ITPKB: variants seen among roughly 807,000 people sequenced by gnomAD.
ITPKB encodes the protein inositol-trisphosphate 3-kinase B.
ITPKB carries 13 observed loss-of-function variants against 69.4 expected under a neutral mutation model. That is an observed-to-expected ratio of 0.19 (90% CI 0.12 to 0.30). The LOEUF (loss-of-function observed/expected upper bound fraction) is 0.30, where lower values mean the gene tolerates loss of function less well. Among genes scored for constraint, ITPKB ranks in the 10% least tolerant of loss-of-function variants. ITPKB has a pLI of 1.00. For missense variants in ITPKB, 1,240 were observed against 1,250.5 expected (o/e 0.99, Z 0.13); for synonymous variants, 584 against 513.7 (o/e 1.14, Z -1.85).
chr1:226,721,069 C>A, intron 2 of ITPKB, among the ~76,000 whole-genome samples: 1 of 149,826 alleles, frequency 6.7e-6, no homozygotes, highest in East Asian at 2.0e-4. Context: ...ATTGGCCGGG[C>A]GCAGTGGTTC....
chr1:226,667,337 C>G (rs1232715102), intron 2 of ITPKB, among the ~76,000 whole-genome samples: 1 of 152,166 alleles, frequency 6.6e-6, no homozygotes, highest in Non-Finnish European at 1.5e-5. Flanking sequence ...ATGTGGGAAC[C>G]CCGCCAAGAC....
Position 226,737,411 on chromosome 1 carries a change from G to A in ITPKB, c.48C>T (p.Ser16=), listed in dbSNP as rs761720650. 4.3e-6 allele frequency: 7 copies of A among 1,611,224 alleles called. No homozygotes were observed. The highest frequency in any genetic ancestry group is 2.7e-5 in the African/African-American group (2 of 74,848). Residue 16 remains serine, a synonymous_variant, in exon 2 of 8, where the codon AGC becomes AGT. Transcript: ENST00000429204. The part of the protein sequence containing the change: ...YALNSLVIMN[S]ANEMKSGGGP... The stretch of plus-strand genomic sequence containing the variant: ...CGCCGCCGCTCTTCATCTCGTTGGC[G>A]CTATTCATGATCACCAGGCTATTGA...
At chr1:226,660,397 CAG>C (rs1319209974) in intron 2 of ITPKB, among the ~76,000 whole-genome samples, 8 of 152,204 alleles carry the variant, frequency 5.3e-5, no homozygotes, top group Non-Finnish European at 8.8e-5. Context: ...CTTGCTAAAC[CAG>C]AGTCTTTTTT....
In ITPKB at chr1:226,637,573, G is replaced by GC; in HGVS notation, c.2625+105dup. ...GGTCCCTGATGGCCTGCCTCTGGCTGCACCACCCTGAAAATGCCCGATGCC... is the reference window on the plus strand; with the variant it reads ...GGTCCCTGATGGCCTGCCTCTGGCTGCCACCACCCTGAAAATGCCCGATGCC... On this transcript the variant is annotated intron_variant, in intron 7 of 7. Transcript: ENST00000429204. This position sits in a 1 kb window ranked among gnomAD's most constrained non-coding sequence, Gnocchi z 4.3. The GC allele has an allele frequency of 1.2e-6, 1 of 868,942 alleles. No homozygotes were observed. Among genetic ancestry groups the GC allele is most frequent in the Non-Finnish European group, 1.9e-6 (1 of 527,104 alleles). 53.8% of individuals were successfully genotyped at this position (868,942 alleles called of 1,614,324 possible).
At chr1:226,718,527 GGAA>G (rs1453368317) in intron 2 of ITPKB, among the ~76,000 whole-genome samples, 3 of 152,052 alleles carry the variant, frequency 2.0e-5, no homozygotes, top group Non-Finnish European at 4.4e-5. Flanking sequence ...CTTGAATCTA[GGAA>G]GTCAGGGCTG....
In ITPKB at chr1:226,738,746, A is replaced by C. The variant is rs1427109257; in HGVS notation, c.-206+295T>G. Among the ~76,000 whole-genome samples, 2 of 152,158 alleles carry C rather than the reference A, an allele frequency of 1.3e-5. No homozygotes were observed. The highest frequency in any genetic ancestry group is 4.8e-5 in the African/African-American group (2 of 41,460). On this transcript the variant is annotated intron_variant, in intron 1 of 7. Coordinates refer to ENST00000429204, the MANE Select transcript of ITPKB (RefSeq NM_002221.4). This position sits in a 1 kb window ranked among gnomAD's most constrained non-coding sequence, Gnocchi z 4.2. ...ATCCCGGGCAGCCTCGCCCGGCGCC[A>C]GCAGAGCCGCCCCGAGACCCCAGCC...
At chr1:226,692,251 T>A (rs1656375947) in intron 2 of ITPKB, among the ~76,000 whole-genome samples, 1 of 151,240 alleles carries the variant, frequency 6.6e-6, no homozygotes, top group Non-Finnish European at 1.5e-5. Flanking sequence ...TCATGTGGGT[T>A]TTTTTTTTCC....
chr1:226,715,578 T>A (rs1657075594), intron 2 of ITPKB, among the ~76,000 whole-genome samples: 1 of 152,164 alleles, frequency 6.6e-6, no homozygotes, highest in Admixed American at 6.5e-5. Flanking sequence ...AACTAACTAC[T>A]CACCAATGGC....
intron 2 of ITPKB, among the ~76,000 whole-genome samples, chr1:226,675,394 G>A (rs533641928): frequency 2.0e-5 from 3 of 152,322 alleles, no homozygotes; most frequent in Non-Finnish European, 4.4e-5. Context: ...CAATCACGAA[G>A]CACAGATCAG....
chr1:226,707,997 T>C (rs1254371110), intron 2 of ITPKB: 17 of 823,882 alleles, frequency 2.1e-5, no homozygotes, highest in Non-Finnish European at 2.9e-5. Context: ...ATATGGAAAC[T>C]ACCCACCAAA....
chr1:226,680,375 G>T (rs528731272), intron 2 of ITPKB, among the ~76,000 whole-genome samples: 5 of 152,344 alleles, frequency 3.3e-5, no homozygotes, highest in Non-Finnish European at 5.9e-5. Context: ...GCAGAGAGGG[G>T]GGAGGTAGGG....
At chr1:226,712,073 C>T (rs767474712) in intron 2 of ITPKB, among the ~76,000 whole-genome samples, 7 of 152,126 alleles carry the variant, frequency 4.6e-5, no homozygotes, top group Non-Finnish European at 8.8e-5. Context: ...TACAGTAAGC[C>T]GCGAGGGTGG....
In ITPKB at chr1:226,736,681, C is replaced by T. The variant is rs72754588; in HGVS notation, c.778G>A (p.Gly260Ser). The change falls in exon 2 of 8, where the codon GGT (glycine) becomes AGT (serine). Residue 260 changes from glycine to serine, a missense_variant. Physicochemically the swap from Gly to Ser is moderately conservative, Grantham distance 56 (BLOSUM62 0). This residue lies in a region of ITPKB where 992 missense variants were observed against 853.8 expected (regional missense o/e 1.16). Coordinates refer to ENST00000429204, the MANE Select transcript of ITPKB (RefSeq NM_002221.4). ...CCACAGCGGGGACTGGCAGGGATAC[C>T]CTTCTCCATCCTTACAAAAGCGGAT... Reference protein sequence around the residue: ...GPSAFVRMEKGIPASPRCGSP... With the variant: ...GPSAFVRMEKSIPASPRCGSP... 2.5e-6 allele frequency: 4 copies of T among 1,613,036 alleles called. No individual in the cohort carries two copies. Among genetic ancestry groups the T allele is most frequent in the Non-Finnish European group, 3.4e-6 (4 of 1,179,856 alleles).
intron 7 of ITPKB, among the ~76,000 whole-genome samples, chr1:226,636,402 CCTCCTCGCAGCCATCCT>C (rs1372318334): frequency 6.6e-6 from 1 of 152,342 alleles, no homozygotes; most frequent in African/African-American, 2.4e-5. Context: ...TGTGCCACCC[CCTCCTCGCAGCCATCCT>C]CTCCAGGCGC....
chr1:226,676,614 G>C (rs1346476320), intron 2 of ITPKB, among the ~76,000 whole-genome samples: 1 of 152,238 alleles, frequency 6.6e-6, no homozygotes, highest in Non-Finnish European at 1.5e-5. Flanking sequence ...ATGTGAAAGT[G>C]CTTTGCAAAC....
In ITPKB at chr1:226,732,540, C is replaced by CTT. The variant is rs1174629347; in HGVS notation, c.1932+2985_1932+2986dup. Among the ~76,000 whole-genome samples the CTT allele has an allele frequency of 5.9e-3, 837 of 142,240 alleles. 5 individuals are homozygous for CTT. The highest frequency in any genetic ancestry group is 0.022 in the African/African-American group (815 of 37,482). 93.3% of individuals were successfully genotyped at this position (142,240 alleles called of 152,430 possible). A position where few individuals can be genotyped will look rare whatever the true frequency, so the allele number is the denominator to read the frequency against. Reference sequence around the variant, plus strand: ...GGCATGAGCCACCGTGCCCAGCGTTCTTTTGTTTTTTTTTTTTTTGTACAT... The same window carrying CTT: ...GGCATGAGCCACCGTGCCCAGCGTTCTTTTTTGTTTTTTTTTTTTTTGTACAT... On this transcript the variant is annotated intron_variant, in intron 2 of 7. Transcript: ENST00000429204.
chr1:226,734,063 G>T (rs1056922409), intron 2 of ITPKB, among the ~76,000 whole-genome samples: 2 of 152,232 alleles, frequency 1.3e-5, no homozygotes, highest in East Asian at 3.9e-4. Context: ...TAACTGCTGG[G>T]CAGAAAGAGA....
In ITPKB at chr1:226,647,141, T is replaced by C. The variant is rs758117690; in HGVS notation, c.2246+26A>G. 9.3e-6 allele frequency: 15 copies of C among 1,604,910 alleles called. No homozygotes were observed. The South Asian group carries it at 9.9e-5, about 11-fold the overall frequency. On this transcript the variant is annotated intron_variant, in intron 4 of 7. Transcript: ENST00000429204. ...CATGTGGCTTGCACTGAGGCAGGCA[T>C]GTGGGCTGCGAGAAGCCTGGCTCAC...
intron 2 of ITPKB, among the ~76,000 whole-genome samples, chr1:226,694,933 C>A (rs528527083): frequency 6.6e-6 from 1 of 152,338 alleles, no homozygotes; most frequent in Non-Finnish European, 1.5e-5. Flanking sequence ...CCAACTCTTT[C>A]AAAAAGCTGG....
Sources: gnomAD v4.1 joint callset for allele counts (sites outside exome capture counted in the v4.1 genomes callset) on GRCh38, gnomAD v4.1.1 for gene constraint, gnomAD v4.1.1 regional missense constraint, Gnocchi (gnomAD v3.1) non-coding constraint, MANE v1.5 for transcripts, NCBI Gene and HGNC (gene_info 2026-07-23, HGNC 2026-07-21) for gene names.